The following BMAL2 variants were observed in gnomAD, a reference collection of about 807,000 sequenced individuals.
BMAL2 encodes the protein basic helix-loop-helix ARNT-like protein 2.
At chr12:27,404,281 A>G in the BMAL2 span, among the ~76,000 whole-genome samples, 1 of 151,358 alleles carries the variant, frequency 6.6e-6, no homozygotes, top group African/African-American at 2.4e-5. Flanking sequence ...TTTATGAAAA[A>G]TAATAGTAAT....
the BMAL2 span, among the ~76,000 whole-genome samples, chr12:27,368,003 C>T: frequency 2.0e-5 from 3 of 151,820 alleles, no homozygotes; most frequent in Non-Finnish European, 4.4e-5. Flanking sequence ...CACATTGTGC[C>T]TGGCTAATTT....
the BMAL2 span, among the ~76,000 whole-genome samples, chr12:27,377,947 A>C: frequency 1.3e-4 from 16 of 124,082 alleles, 2 homozygotes; most frequent in Admixed American, 5.6e-4. Context: ...GTTCCTCCCT[A>C]CCCACCTCCC....
the BMAL2 span, among the ~76,000 whole-genome samples, chr12:27,340,619 G>A: frequency 6.6e-6 from 1 of 152,058 alleles, no homozygotes; most frequent in African/African-American, 2.4e-5. Flanking sequence ...GCATTTTAAA[G>A]TAGTTTCTTC....
chr12:27,383,298 A>T, the BMAL2 span, among the ~76,000 whole-genome samples: 4 of 152,308 alleles, frequency 2.6e-5, no homozygotes, highest in South Asian at 8.3e-4. Flanking sequence ...ACAGTGTTCA[A>T]ATGGTGGGGA....
chr12:27,418,977 T>TAAAA, the BMAL2 span, among the ~76,000 whole-genome samples: 4 of 147,554 alleles, frequency 2.7e-5, no homozygotes, highest in African/African-American at 7.5e-5. Flanking sequence ...AGACTCCATC[T>TAAAA]AAAAAAAAAA....
chr12:27,339,596 T>C, the BMAL2 span, among the ~76,000 whole-genome samples: 1 of 152,178 alleles, frequency 6.6e-6, no homozygotes, highest in African/African-American at 2.4e-5. Flanking sequence ...TTCCCTTTTC[T>C]TTGCAGTCTC....
At chr12:27,346,803 T>G in the BMAL2 span, among the ~76,000 whole-genome samples, 1 of 152,186 alleles carries the variant, frequency 6.6e-6, no homozygotes, top group Non-Finnish European at 1.5e-5. Flanking sequence ...ATGTTGAAGT[T>G]TGATCTCCAG....
the BMAL2 span, among the ~76,000 whole-genome samples, chr12:27,410,466 A>G: frequency 1.3e-5 from 2 of 152,158 alleles, no homozygotes; most frequent in Non-Finnish European, 2.9e-5. Flanking sequence ...GAAGCTGGAA[A>G]CCATCATTCT....
the BMAL2 span, among the ~76,000 whole-genome samples, chr12:27,337,421 C>G: frequency 1.9e-5 from 2 of 106,578 alleles, no homozygotes; most frequent in African/African-American, 8.4e-5. Context: ...GTGCCTCCAC[C>G]TTTGCCCCTG....
At chr12:27,390,935 A>G in the BMAL2 span, among the ~76,000 whole-genome samples, 3 of 152,230 alleles carry the variant, frequency 2.0e-5, no homozygotes, top group Non-Finnish European at 4.4e-5. Context: ...CAAAAATTCA[A>G]TTAAGTTTTG....
the BMAL2 span, among the ~76,000 whole-genome samples, chr12:27,392,873 G>A: frequency 4.9e-4 from 74 of 152,228 alleles, no homozygotes; most frequent in Non-Finnish European, 8.4e-4. Flanking sequence ...GTTTGTGTTG[G>A]TGTCTGGCTG....
the BMAL2 span, chr12:27,401,813 A>G: frequency 6.6e-6 from 4 of 609,726 alleles, no homozygotes; most frequent in African/African-American, 1.9e-5. Flanking sequence ...CTTTTGAGTA[A>G]TTCATTTACT....
At chr12:27,350,798 G>A in the BMAL2 span, among the ~76,000 whole-genome samples, 1 of 151,828 alleles carries the variant, frequency 6.6e-6, no homozygotes, top group African/African-American at 2.4e-5. Flanking sequence ...TCTTGCCTCA[G>A]CCTCCTGTGT....
chr12:27,339,557 T>C, the BMAL2 span, among the ~76,000 whole-genome samples: 2 of 152,238 alleles, frequency 1.3e-5, no homozygotes, highest in Admixed American at 1.3e-4. Flanking sequence ...GTTGAACTAA[T>C]TTACACTCCC....
the BMAL2 span, among the ~76,000 whole-genome samples, chr12:27,398,959 A>T: frequency 6.6e-6 from 1 of 152,112 alleles, no homozygotes; most frequent in Non-Finnish European, 1.5e-5. Flanking sequence ...CTGGGTTGTT[A>T]GGGGGAGGTA....
chr12:27,412,881 A>C, the BMAL2 span, among the ~76,000 whole-genome samples: 3 of 152,176 alleles, frequency 2.0e-5, no homozygotes. Context: ...TTTTGAAAGC[A>C]TGAAGAGAAA....
the BMAL2 span, among the ~76,000 whole-genome samples, chr12:27,378,772 GT>G: frequency 2.6e-5 from 4 of 152,186 alleles, no homozygotes; most frequent in Non-Finnish European, 5.9e-5. Flanking sequence ...AGGAACAGCA[GT>G]TTAAAAGGTT....
chr12:27,398,020 A>G, the BMAL2 span, among the ~76,000 whole-genome samples: 1 of 152,236 alleles, frequency 6.6e-6, no homozygotes, highest in Non-Finnish European at 1.5e-5. Context: ...CTCTGGAGCC[A>G]GTTCTGCCTG....
the BMAL2 span, among the ~76,000 whole-genome samples, chr12:27,357,842 C>T: frequency 6.6e-6 from 1 of 152,094 alleles, no homozygotes; most frequent in Non-Finnish European, 1.5e-5. Context: ...TTTCATCTCT[C>T]ACATTATACA....
Sources: allele counts gnomAD v4.1 joint callset (sites outside exome capture counted in the v4.1 genomes callset), GRCh38; gene constraint gnomAD v4.1.1; transcripts MANE v1.5; gene names NCBI Gene and HGNC (gene_info 2026-07-23, HGNC 2026-07-21).